The following KIF11 variants were observed in gnomAD, a reference collection of about 807,000 sequenced individuals.
The protein encoded by KIF11 is kinesin family member 11, also known as kinesin-like protein KIF11.
A neutral mutation model predicts 121.0 loss-of-function variants in KIF11; 9 were observed. That is an observed-to-expected ratio of 0.07 (90% CI 0.04 to 0.13). The LOEUF (loss-of-function observed/expected upper bound fraction) is 0.13, where lower values mean the gene tolerates loss of function less well. KIF11 is among the 10% of genes least tolerant of loss of function. The pLI is 1.00. For synonymous variants in KIF11, 408 were observed against 421.0 expected (o/e 0.97, Z 0.38); for missense variants, 846 against 1,217.5 (o/e 0.69, Z 4.54).
At chr10:92,611,397 A>G (rs1417734677) in intron 6 of KIF11, among the ~76,000 whole-genome samples, 1 of 151,646 alleles carries the variant, frequency 6.6e-6, no homozygotes, top group Non-Finnish European at 1.5e-5. Flanking sequence ...TATTTTTAGT[A>G]GAGACGGGGT....
intron 8 of KIF11, among the ~76,000 whole-genome samples, chr10:92,615,612 T>C (rs1193752328): frequency 2.6e-5 from 4 of 152,138 alleles, no homozygotes; most frequent in African/African-American, 7.2e-5. Context: ...CCTGTACCCA[T>C]TGAAATTACT....
chr10:92,602,583 A>G (rs1054419960), intron 1 of KIF11, among the ~76,000 whole-genome samples: 6 of 152,106 alleles, frequency 3.9e-5, no homozygotes, highest in African/African-American at 1.4e-4. Context: ...AAGAGAGAAG[A>G]CACAAATAAC....
At chr10:92,633,515 C>A in intron 13 of KIF11, 108 bp from the exon 14 acceptor site, 1 of 753,036 alleles carries the variant, frequency 1.3e-6, no homozygotes, top group Non-Finnish European at 2.2e-6. Flanking sequence ...CTCGTTATTA[C>A]AAATTCTACA....
intron 14 of KIF11, among the ~76,000 whole-genome samples, chr10:92,636,777 A>G (rs2135918782): frequency 6.6e-6 from 1 of 150,702 alleles, no homozygotes; most frequent in Non-Finnish European, 1.5e-5. Flanking sequence ...TCACGCCTGT[A>G]ATCTCAGCAC....
chr10:92,599,353 T>C (rs1054820143), intron 1 of KIF11, among the ~76,000 whole-genome samples: 1 of 151,318 alleles, frequency 6.6e-6, no homozygotes, highest in Admixed American at 6.6e-5. Context: ...AGTGAAACCC[T>C]GTCTCTACTA....
chr10:92,596,197 G>A (rs1321620531), intron 1 of KIF11, among the ~76,000 whole-genome samples: 1 of 152,134 alleles, frequency 6.6e-6, no homozygotes, highest in African/African-American at 2.4e-5. Context: ...TAGAGACGGG[G>A]TTTCACCATA....
At chr10:92,601,663 C>G (rs779101801) in intron 1 of KIF11, among the ~76,000 whole-genome samples, 12 of 151,884 alleles carry the variant, frequency 7.9e-5, no homozygotes, top group Non-Finnish European at 1.5e-4. Flanking sequence ...TCCTGAGTAG[C>G]TGGGACTATA....
chr10:92,640,544 G>A (rs1844854007), intron 17 of KIF11, among the ~76,000 whole-genome samples: 2 of 152,204 alleles, frequency 1.3e-5, no homozygotes, highest in Admixed American at 6.5e-5. Context: ...CCATTCTCCT[G>A]CCTCAGCCTC....
At chr10:92,628,447 C>T (rs1490381949) in intron 10 of KIF11, among the ~76,000 whole-genome samples, 1 of 152,128 alleles carries the variant, frequency 6.6e-6, no homozygotes, top group Non-Finnish European at 1.5e-5. Flanking sequence ...TGATTATAGA[C>T]ACTTAGGTTG....
intron 17 of KIF11, among the ~76,000 whole-genome samples, chr10:92,644,188 T>C (rs1711938926): frequency 6.6e-6 from 1 of 152,234 alleles, no homozygotes; most frequent in African/African-American, 2.4e-5. Context: ...CTAGGGACTT[T>C]GTATTCATCA....
In KIF11 at chr10:92,637,392, A is replaced by C; in HGVS notation, c.2007A>C (p.Glu669Asp). ...TCATTTTTGTTTCTTCAAAGATAGAAGATCAAAAAAAGGAACTAGATGGCT... is the reference window on the plus strand; with the variant it reads ...TCATTTTTGTTTCTTCAAAGATAGACGATCAAAAAAAGGAACTAGATGGCT... ...KTSLTVADKI[E>D]DQKKELDGFL... Residue 669 changes from glutamate (E) to aspartate (D), a missense_variant, in exon 16 of 22, where the codon GAA becomes GAC. Glu to Asp is a conservative substitution (Grantham distance 45). Around this residue, in one of 5 missense-constraint regions of KIF11, gnomAD observed 492 missense variants for 603.4 expected, o/e 0.82. Coordinates refer to ENST00000260731, the MANE Select transcript of KIF11 (RefSeq NM_004523.4). The C allele has an allele frequency of 6.3e-7, 1 of 1,578,794 alleles. No homozygotes were observed. The highest frequency in any genetic ancestry group is 8.5e-7 in the Non-Finnish European group (1 of 1,171,652).
At chr10:92,637,353 T>C (rs1182587055) in intron 15 of KIF11, 34 bp from the exon 16 acceptor site, 2 of 1,577,890 alleles carry the variant, frequency 1.3e-6, no homozygotes, top group Non-Finnish European at 1.7e-6. Context: ...TGATGTGTTG[T>C]TTAAGAAGGA....
chr10:92,614,080 A>G (rs1214248113), intron 8 of KIF11, among the ~76,000 whole-genome samples: 5 of 149,440 alleles, frequency 3.3e-5, no homozygotes, highest in Non-Finnish European at 7.4e-5. Context: ...AGTAGGGAAA[A>G]AAAGTTCATT....
chr10:92,632,356 C>T (rs1207050676), intron 12 of KIF11, 130 bp from the exon 13 acceptor site: 13 of 624,738 alleles, frequency 2.1e-5, no homozygotes, highest in Middle Eastern at 4.1e-4. Flanking sequence ...TTAGTAGAGA[C>T]GGGGTTTCAC....
intron 1 of KIF11, among the ~76,000 whole-genome samples, chr10:92,595,275 G>C (rs1326728839): frequency 2.0e-5 from 3 of 152,174 alleles, no homozygotes; most frequent in Non-Finnish European, 2.9e-5. Context: ...GGCCAGGCTG[G>C]TCTCGAACTC....
chr10:92,622,150 C>T lies in KIF11; in HGVS notation c.1217+677C>T, dbSNP rs188036326. On this transcript the variant is annotated intron_variant, in intron 10 of 21. Transcript: ENST00000260731. ...ATTACCCTGTGTGGTGGTACATGCC[C>T]GTAATCATAGCTACTCCAGAGGCTG... 3.9e-5 allele frequency among the ~76,000 whole-genome samples: 6 copies of T among 152,064 alleles called. No individual in the cohort carries two copies. In the South Asian group the frequency reaches 6.2e-4, roughly 16 times the overall value.
intron 1 of KIF11, among the ~76,000 whole-genome samples, chr10:92,595,921 G>C (rs1022600959): frequency 6.6e-6 from 1 of 152,086 alleles, no homozygotes; most frequent in East Asian, 1.9e-4. Flanking sequence ...CCTTTTTAAG[G>C]CTGCATAGTA....
At chr10:92,616,226 T>C (rs1844556435) in intron 8 of KIF11, among the ~76,000 whole-genome samples, 1 of 151,742 alleles carries the variant, frequency 6.6e-6, no homozygotes, top group South Asian at 2.1e-4. Flanking sequence ...TTTTTTTTTT[T>C]TGAGACAAGG....
rs1392679177 is a variant in KIF11, at chr10:92,593,551, G to A, written c.77+99G>A. The stretch of plus-strand genomic sequence containing the variant: ...AGGGATTTTATTTGCATTTCCTGAG[G>A]GTCCCAGTTTCTTGGTTCTCCGCGT... On this transcript the variant is annotated intron_variant, in intron 1 of 21. Transcript: ENST00000260731. 5.9e-6 allele frequency: 6 copies of A among 1,025,042 alleles called. No homozygotes were observed. The Admixed American group carries it at 8.2e-5, about 14-fold the overall frequency. The allele number at this position is 1,025,042 out of a possible 1,614,324, so 63.5% of individuals were successfully genotyped here. A position where few individuals can be genotyped will look rare whatever the true frequency, so the allele number is the denominator to read the frequency against.
Sources: allele counts gnomAD v4.1 joint callset (sites outside exome capture counted in the v4.1 genomes callset), GRCh38; gene constraint gnomAD v4.1.1; regional missense constraint gnomAD v4.1.1; transcripts MANE v1.5; gene names NCBI Gene and HGNC (gene_info 2026-07-23, HGNC 2026-07-21).